COL4A3: variants seen among roughly 807,000 people sequenced by gnomAD.
COL4A3 encodes the protein collagen type IV alpha 3 chain.
COL4A3 carries 135 observed loss-of-function variants against 217.4 expected under a neutral mutation model. That is an observed-to-expected ratio of 0.62 (90% CI 0.54 to 0.72). The LOEUF (loss-of-function observed/expected upper bound fraction) is 0.72. Ranked by LOEUF, COL4A3 falls within the 30% of genes least tolerant of loss-of-function variation. The pLI is 0.00. For synonymous variants in COL4A3, 690 were observed against 736.3 expected, an observed-to-expected ratio of 0.94 and a Z score of 1.02; for missense variants, 1,868 against 2,119.9, an observed-to-expected ratio of 0.88 and a Z score of 2.33.
intron 1 of COL4A3, among the ~76,000 whole-genome samples, chr2:227,202,041 C>T (rs2066706255): frequency 6.6e-6 from 1 of 152,178 alleles, no homozygotes; most frequent in Non-Finnish European, 1.5e-5. Flanking sequence ...CCCTGTTTAG[C>T]AGTTTGATTT....
Position 227,312,004 on chromosome 2 carries a change from G to A in COL4A3, c.*134G>A. ...ATGACTTAGTACAAAGTTTCAATTT[G>A]TTTCCCCACAAAACAAAGCAATTCT... On this transcript the variant is annotated 3_prime_UTR_variant, in exon 52 of 52. Coordinates refer to ENST00000396578, the MANE Select transcript of COL4A3 (RefSeq NM_000091.5). The A allele has an allele frequency of 6.8e-7, 1 of 1,470,050 alleles. No individual in the cohort carries two copies. The highest frequency in any genetic ancestry group is 1.2e-5 in the South Asian group (1 of 80,348). 91.1% of individuals were successfully genotyped at this position (1,470,050 alleles called of 1,614,324 possible). A position where few individuals can be genotyped will look rare whatever the true frequency, so the allele number is the denominator to read the frequency against.
chr2:227,230,207 A>G (rs1167239063), intron 1 of COL4A3, among the ~76,000 whole-genome samples: 1 of 152,212 alleles, frequency 6.6e-6, no homozygotes, highest in Non-Finnish European at 1.5e-5. Context: ...CTCTACAATG[A>G]AAGTTTATTT....
At chr2:227,303,991 C>G (rs973303122) in intron 45 of COL4A3, 28 bp from the exon 46 acceptor site, 2 of 1,614,222 alleles carry the variant, frequency 1.2e-6, no homozygotes, top group Non-Finnish European at 8.5e-7. Context: ...GTGAGGCCAT[C>G]ATCTTCTTCT....
Position 227,303,057 on chromosome 2 carries a change from G to A in COL4A3, c.3902G>A (p.Gly1301Asp), listed in dbSNP as rs1475469085. Reference sequence around the variant, plus strand: ...ATATAGGGAGCACCAGGTACTCCAGGTCTTCCAGGACCCAGAGGTGATCCT... The same window carrying A: ...ATATAGGGAGCACCAGGTACTCCAGATCTTCCAGGACCCAGAGGTGATCCT... ...PGRLGAPGTP[G>D]LPGPRGDPGF... The change falls in exon 44 of 52, where the codon GGT becomes GAT. Residue 1301 changes from glycine to aspartate, a missense_variant. Gly to Asp is a moderately conservative substitution (Grantham distance 94). Around this residue, in one of 2 missense-constraint regions of COL4A3, gnomAD observed 1,503 missense variants for 1,786.1 expected, o/e 0.84. Transcript: ENST00000396578. 5.0e-6 allele frequency: 8 copies of A among 1,613,920 alleles called. No individual in the cohort carries two copies. The highest frequency in any genetic ancestry group is 6.8e-6 in the Non-Finnish European group (8 of 1,179,862).
At chr2:227,276,175 G>A (rs1283769894) in intron 26 of COL4A3, among the ~76,000 whole-genome samples, 1 of 152,174 alleles carries the variant, frequency 6.6e-6, no homozygotes, top group African/African-American at 2.4e-5. Context: ...AAGTTTAGAC[G>A]ATTGTCTACA....
At chr2:227,227,241 G>T (rs991401215) in intron 1 of COL4A3, among the ~76,000 whole-genome samples, 4 of 152,120 alleles carry the variant, frequency 2.6e-5, no homozygotes, top group African/African-American at 9.7e-5. Context: ...CAGTGATAGG[G>T]TGAGAGGGGG....
At chr2:227,226,865 G>A (rs537483763) in intron 1 of COL4A3, among the ~76,000 whole-genome samples, 1 of 152,170 alleles carries the variant, frequency 6.6e-6, no homozygotes, top group Non-Finnish European at 1.5e-5. Context: ...CCCATAAAGA[G>A]CCACGTAGTA....
At chr2:227,249,230 A>ATATATATATTTTTTTTTT in intron 9 of COL4A3, among the ~76,000 whole-genome samples, 1 of 14,690 alleles carries the variant, frequency 6.8e-5, no homozygotes, top group Non-Finnish European at 1.2e-4. Context: ...ATATATATAT[A>ATATATATATTTTTTTTTT]TTTTTTTTTT....
At chr2:227,242,094 A>T (rs2069057881) in intron 3 of COL4A3, among the ~76,000 whole-genome samples, 1 of 152,210 alleles carries the variant, frequency 6.6e-6, no homozygotes, top group Non-Finnish European at 1.5e-5. Flanking sequence ...TGCAGACCCC[A>T]TAGGGTAAGG....
Position 227,307,858 on chromosome 2 carries a change from C to T in COL4A3, c.4401C>T (p.Leu1467=), listed in dbSNP as rs1574840028. ...CATGTCCAGAGGGGACAGTGCCACT[C>T]TACAGTGGGTTTTCTTTTCTTTTTG... ...IPSCPEGTVP[L]YSGFSFLFVQ... is the part of the protein sequence containing the mutation. The change falls in exon 48 of 52, where the codon CTC becomes CTT. Residue 1467 remains leucine, a synonymous_variant. Coordinates refer to ENST00000396578, the MANE Select transcript of COL4A3 (RefSeq NM_000091.5). 1.9e-6 allele frequency: 3 copies of T among 1,614,164 alleles called. No homozygotes were observed. In the East Asian group the frequency reaches 6.7e-5, roughly 36 times the overall value.
chr2:227,278,637 G>T (rs556942434), intron 28 of COL4A3, among the ~76,000 whole-genome samples: 80 of 152,274 alleles, frequency 5.3e-4, no homozygotes, highest in African/African-American at 1.9e-3. Context: ...TGTGAAGTAA[G>T]GGAGTCTGCC....
Position 227,294,472 on chromosome 2 carries a change from C to T in COL4A3, c.3338-18C>T. The T allele has an allele frequency of 6.6e-7, 1 of 1,518,690 alleles. No homozygotes were observed. Among genetic ancestry groups the T allele is most frequent in the Non-Finnish European group, 9.1e-7 (1 of 1,093,092 alleles). 94.1% of individuals were successfully genotyped at this position (1,518,690 alleles called of 1,614,324 possible). A position where few individuals can be genotyped will look rare whatever the true frequency, so the allele number is the denominator to read the frequency against. ...TTTTGGTGATCTTTTTTCTTCCTTC[C>T]CCTCTCTTCATTTCCAGGAAAGCCA... On this transcript the variant is annotated intron_variant, in intron 38 of 51. Transcript: ENST00000396578.
intron 18 of COL4A3, 65 bp from the exon 19 acceptor site, chr2:227,259,728 T>G (rs1559875261): frequency 8.7e-7 from 1 of 1,154,794 alleles, no homozygotes; most frequent in Non-Finnish European, 1.3e-6. Flanking sequence ...ACTGAAGTAA[T>G]GATGTTTGGT....
At chr2:227,190,642 G>A (rs994324757) in intron 1 of COL4A3, among the ~76,000 whole-genome samples, 2 of 152,162 alleles carry the variant, frequency 1.3e-5, no homozygotes, top group African/African-American at 4.8e-5. Context: ...TCTGGGCATC[G>A]TGGCTCTAAT....
intron 43 of COL4A3, among the ~76,000 whole-genome samples, chr2:227,300,856 C>T (rs187928834): frequency 1.7e-3 from 253 of 152,258 alleles, no homozygotes; most frequent in Non-Finnish European, 2.3e-3. Context: ...TCTTGAAAGA[C>T]GCATAGGAGT....
At chr2:227,211,814 C>T (rs10183514) in intron 1 of COL4A3, among the ~76,000 whole-genome samples, 11,575 of 152,086 alleles carry the variant, frequency 0.076, 645 homozygotes, top group African/African-American at 0.15. Context: ...TGCGCCACCA[C>T]GCCCACCTAA....
intron 2 of COL4A3, among the ~76,000 whole-genome samples, chr2:227,239,400 G>A (rs1321071113): frequency 3.5e-5 from 5 of 144,748 alleles, no homozygotes; most frequent in Non-Finnish European, 7.8e-5. Context: ...ACAGGTTTTC[G>A]TGTGGGGGGA....
chr2:227,235,696 C>G (rs999962945), intron 1 of COL4A3, among the ~76,000 whole-genome samples: 1 of 151,054 alleles, frequency 6.6e-6, no homozygotes, highest in African/African-American at 2.4e-5. Flanking sequence ...GTTTAGTTTT[C>G]TATTCCTGAG....
intron 43 of COL4A3, chr2:227,301,793 C>T (rs543595885): frequency 6.6e-5 from 10 of 152,352 alleles, no homozygotes; most frequent in African/African-American, 1.9e-4. Flanking sequence ...TCATAGTTAC[C>T]TTAGCCTCAA....
Sources: gnomAD v4.1 joint callset for allele counts (sites outside exome capture counted in the v4.1 genomes callset) on GRCh38, gnomAD v4.1.1 for gene constraint, gnomAD v4.1.1 regional missense constraint, MANE v1.5 for transcripts, NCBI Gene and HGNC (gene_info 2026-07-23, HGNC 2026-07-21) for gene names.